Variants in RNF10 observed in about 807,000 individuals in gnomAD.
RNF10 encodes E3 ubiquitin-protein ligase RNF10.
RNF10 carries 38 observed loss-of-function variants against 91.4 expected under a neutral mutation model. The ratio of observed to expected loss-of-function variants is 0.42; its 90% CI spans 0.32 to 0.54. RNF10 has a LOEUF of 0.54. Ranked by LOEUF, RNF10 falls within the 20% of genes least tolerant of loss-of-function variation. The pLI is 0.16. For missense variants in RNF10, 945 were observed against 1,012.0 expected (o/e 0.93, Z 0.90); for synonymous variants, 364 against 366.3 (o/e 0.99, Z 0.07).
chr12:120,555,447 G>C (rs532687203), intron 4 of RNF10, among the ~76,000 whole-genome samples: 2 of 150,660 alleles, frequency 1.3e-5, no homozygotes, highest in East Asian at 3.9e-4. Flanking sequence ...CTCCCAAAGT[G>C]TTGGGGTTAC....
intron 10 of RNF10, 41 bp downstream of exon 10, chr12:120,563,984 T>C: frequency 6.2e-7 from 1 of 1,612,854 alleles, no homozygotes; most frequent in Non-Finnish European, 8.5e-7. Flanking sequence ...GGCAGCAGTA[T>C]TAACCTAATC....
chr12:120,551,491 G>T lies in RNF10; in HGVS notation c.355-1008G>T, dbSNP rs188566584. Among the ~76,000 whole-genome samples, 445 of 151,386 alleles carry T rather than the reference G, an allele frequency of 2.9e-3. 6 individuals are homozygous for T. Among genetic ancestry groups the T allele is most frequent in the Non-Finnish European group, 2.4e-3 (161 of 67,872 alleles). On this transcript the variant is annotated intron_variant, in intron 2 of 16. Coordinates refer to ENST00000325954, the MANE Select transcript of RNF10 (RefSeq NM_014868.5). ...TTTTTTTATTTTCAGTAGAGATGGG[G>T]TTTCACCATATTGCCCAGGCTGGTC...
intron 2 of RNF10, among the ~76,000 whole-genome samples, chr12:120,549,182 C>T (rs1014497757): frequency 9.2e-5 from 14 of 151,790 alleles, no homozygotes; most frequent in Non-Finnish European, 1.5e-4. Context: ...GAGGTGGGTT[C>T]GGAGGTAGTT....
chr12:120,539,226 TAA>T (rs1871225671), intron 1 of RNF10: 2 of 386,444 alleles, frequency 5.2e-6, no homozygotes, highest in Non-Finnish European at 1.0e-5. Context: ...TTAGCAGTGT[TAA>T]GAGTGATTTG....
At position 120,568,254 on chromosome 12, in the gene RNF10, G is replaced by T. The variant is rs574675566; in HGVS notation, c.2041+1274G>T. Among the ~76,000 whole-genome samples the T allele has an allele frequency of 9.9e-5, 15 of 151,654 alleles. No homozygotes were observed. The South Asian group carries it at 3.1e-3, about 32-fold the overall frequency. On this transcript the variant is annotated intron_variant, in intron 13 of 16. Transcript: ENST00000325954. ...AGCCAGACCCTCTCAAAAAAAAAAA[G>T]AAAAATACTGAGACAGATGTGTTCC...
chr12:120,575,395 A>T (rs1877250952), intron 14 of RNF10: 1 of 529,944 alleles, frequency 1.9e-6, no homozygotes, highest in Non-Finnish European at 3.4e-6. Flanking sequence ...TTCTTTACCC[A>T]TTTCCTAAGG....
chr12:120,553,401 C>CTTTTTT (rs1243050601), intron 3 of RNF10, among the ~76,000 whole-genome samples: 1 of 95,054 alleles, frequency 1.1e-5, no homozygotes, highest in Non-Finnish European at 2.1e-5. Context: ...AAGAGGAATT[C>CTTTTTT]TTTTTTTTTT....
chr12:120,564,153 C>G (rs76183013), intron 10 of RNF10, among the ~76,000 whole-genome samples: 3,150 of 152,224 alleles, frequency 0.021, 107 homozygotes, highest in African/African-American at 0.071. Flanking sequence ...ATGCTGTTCC[C>G]TGCTTCTCTG....
At chr12:120,576,031 A>G (rs1333935820) in intron 16 of RNF10, 81 bp downstream of exon 16, 1 of 1,410,382 alleles carries the variant, frequency 7.1e-7, no homozygotes, top group African/African-American at 1.4e-5. Flanking sequence ...TCAGTGGCAG[A>G]CATCACTAAT....
intron 1 of RNF10, among the ~76,000 whole-genome samples, chr12:120,536,899 TTAAAA>T (rs1327893907): frequency 3.9e-5 from 6 of 152,192 alleles, no homozygotes; most frequent in African/African-American, 9.7e-5. Flanking sequence ...TTGTGACAAC[TTAAAA>T]TAAAACAAAC....
intron 13 of RNF10, among the ~76,000 whole-genome samples, chr12:120,568,775 CTGTT>C (rs781313153): frequency 2.0e-5 from 3 of 152,012 alleles, no homozygotes; most frequent in Admixed American, 6.6e-5. Flanking sequence ...TGTGCCCAGC[CTGTT>C]TGTTTTTAAG....
intron 1 of RNF10, chr12:120,539,410 C>T (rs1445615584): frequency 7.8e-7 from 1 of 1,288,980 alleles, no homozygotes; most frequent in African/African-American, 1.5e-5. Context: ...TCAGTTGATT[C>T]TGTAGTAAGG....
Position 120,546,620 on chromosome 12 carries a change from T to C in RNF10, c.354+19T>C. The C allele has an allele frequency of 6.2e-7, 1 of 1,605,036 alleles. No homozygotes were observed. The highest frequency in any genetic ancestry group is 1.1e-5 in the South Asian group (1 of 90,416). On this transcript the variant is annotated intron_variant, in intron 2 of 16. Coordinates refer to ENST00000325954, the MANE Select transcript of RNF10 (RefSeq NM_014868.5). ...AGATGAGGTATGGAATTTGAGAATG[T>C]CCTTTCTAGAGCATAAGCATGAGAT... is the stretch of plus-strand genomic sequence containing the variant.
chr12:120,555,118 G>A (rs117112459), intron 4 of RNF10, among the ~76,000 whole-genome samples: 1 of 152,348 alleles, frequency 6.6e-6, no homozygotes, highest in East Asian at 1.9e-4. Context: ...GCAGCCATTC[G>A]TAGCAATCAC....
chr12:120,549,421 G>A (rs975155919), intron 2 of RNF10, among the ~76,000 whole-genome samples: 5 of 152,148 alleles, frequency 3.3e-5, no homozygotes, highest in African/African-American at 1.2e-4. Flanking sequence ...CAGGGCTGAT[G>A]TGGAATAGGA....
At chr12:120,559,984 C>T (rs576457978) in intron 6 of RNF10, among the ~76,000 whole-genome samples, 1 of 151,960 alleles carries the variant, frequency 6.6e-6, no homozygotes, top group Non-Finnish European at 1.5e-5. Context: ...CCACCACACC[C>T]AGCTGGCTTG....
chr12:120,558,220 A>T (rs1410946212), intron 6 of RNF10, among the ~76,000 whole-genome samples: 2 of 152,220 alleles, frequency 1.3e-5, no homozygotes, highest in Admixed American at 1.3e-4. Context: ...CATACCATTC[A>T]TGAAATTAAT....
In RNF10 at chr12:120,576,770, C is replaced by T; in HGVS notation, c.*104C>T. 2.0e-6 allele frequency: 3 copies of T among 1,491,404 alleles called. No individual in the cohort carries two copies. Among genetic ancestry groups the T allele is most frequent in the Non-Finnish European group, 2.7e-6 (3 of 1,103,042 alleles). 92.4% of individuals were successfully genotyped at this position (1,491,404 alleles called of 1,614,324 possible). Reference sequence around the variant, plus strand: ...TAATTTTTAAGTATTTGAGTTTGAACAGATTAGCTCTGGGGGGAGGGGGTT... The same window carrying T: ...TAATTTTTAAGTATTTGAGTTTGAATAGATTAGCTCTGGGGGGAGGGGGTT... On this transcript the variant is annotated 3_prime_UTR_variant, in exon 17 of 17. Coordinates refer to ENST00000325954, the MANE Select transcript of RNF10 (RefSeq NM_014868.5).
At chr12:120,535,598 TA>T (rs1170085761) in intron 1 of RNF10, 1 of 152,198 alleles carries the variant, frequency 6.6e-6, no homozygotes, top group Non-Finnish European at 1.5e-5. Flanking sequence ...TATAATTAAA[TA>T]AACTTAAAAA....
Sources: allele counts gnomAD v4.1 joint callset (sites outside exome capture counted in the v4.1 genomes callset), GRCh38; gene constraint gnomAD v4.1.1; transcripts MANE v1.5; gene names NCBI Gene and HGNC (gene_info 2026-07-23, HGNC 2026-07-21).